The following LRRIQ1 variants were observed in gnomAD, a reference collection of about 807,000 sequenced individuals.
The protein encoded by LRRIQ1 is leucine-rich repeat- and IQ domain-containing protein 1.
In LRRIQ1, 210 loss-of-function variants were observed where a neutral mutation model predicts 211.9. The observed-to-expected ratio is 0.99, with a 90% confidence interval of 0.89 to 1.11. The LOEUF is 1.11. LRRIQ1 is among the 50% of genes most tolerant of loss of function. The probability of loss-of-function intolerance (pLI) is 0.00; values close to 1 mark genes in which losing one functional copy is unlikely to be tolerated. For missense variants in LRRIQ1, 2,136 were observed against 1,939.5 expected (o/e 1.10, Z -1.90); for synonymous variants, 699 against 650.1 (o/e 1.08, Z -1.14).
At chr12:85,071,747 G>A (rs1002159267) in intron 10 of LRRIQ1, among the ~76,000 whole-genome samples, 4 of 152,050 alleles carry the variant, frequency 2.6e-5, no homozygotes, top group African/African-American at 9.7e-5. Flanking sequence ...GCAAAGGGAT[G>A]TCTTACATGG....
intron 15 of LRRIQ1, among the ~76,000 whole-genome samples, chr12:85,111,298 T>G (rs1299479499): frequency 2.0e-5 from 3 of 152,128 alleles, no homozygotes; most frequent in Non-Finnish European, 2.9e-5. Context: ...CTTTCACAGG[T>G]GGCAGTCATC....
At chr12:85,253,590 A>G (rs183217512) in intron 1 of LRRIQ1, among the ~76,000 whole-genome samples, 1 of 152,190 alleles carries the variant, frequency 6.6e-6, no homozygotes, top group African/African-American at 2.4e-5. Context: ...GAAAATCATA[A>G]TAATGTGACA....
At chr12:85,174,470 C>T (rs1358834141) in intron 24 of LRRIQ1, among the ~76,000 whole-genome samples, 2 of 150,284 alleles carry the variant, frequency 1.3e-5, no homozygotes, top group African/African-American at 4.9e-5. Context: ...CCAAGGTGGG[C>T]AGATAGTTGA....
intron 24 of LRRIQ1, among the ~76,000 whole-genome samples, chr12:85,190,627 A>T (rs1892465267): frequency 6.6e-6 from 1 of 151,594 alleles, no homozygotes; most frequent in South Asian, 2.1e-4. Flanking sequence ...AGATATTCTG[A>T]TGGGCGTTTC....
intron 11 of LRRIQ1, among the ~76,000 whole-genome samples, chr12:85,077,893 T>C (rs1883836032): frequency 6.6e-6 from 1 of 151,686 alleles, no homozygotes; most frequent in Non-Finnish European, 1.5e-5. Context: ...GAGGCTGAGA[T>C]GGGAGAATCA....
intron 15 of LRRIQ1, among the ~76,000 whole-genome samples, chr12:85,117,433 A>G (rs375226807): frequency 2.6e-5 from 4 of 152,370 alleles, no homozygotes; most frequent in South Asian, 4.1e-4. Flanking sequence ...TCTGCTTCAT[A>G]TAACTCCAAA....
At chr12:85,195,530 C>G (rs1592952475) in intron 24 of LRRIQ1, among the ~76,000 whole-genome samples, 1 of 152,150 alleles carries the variant, frequency 6.6e-6, no homozygotes, top group Non-Finnish European at 1.5e-5. Context: ...ATACCCAAAT[C>G]AATTTAATGT....
At chr12:85,258,206 A>G (rs1896180275) in intron 1 of LRRIQ1, among the ~76,000 whole-genome samples, 1 of 151,832 alleles carries the variant, frequency 6.6e-6, no homozygotes, top group Admixed American at 6.6e-5. Context: ...GATTATTAAC[A>G]CCAGTAATAA....
intron 18 of LRRIQ1, among the ~76,000 whole-genome samples, chr12:85,133,668 G>A (rs1888928530): frequency 6.6e-6 from 1 of 152,104 alleles, no homozygotes; most frequent in East Asian, 1.9e-4. Flanking sequence ...TTTCAAGCCA[G>A]ACATGTTGGA....
chr12:85,217,640 A>ATATGTG (rs1326865864), intron 24 of LRRIQ1, among the ~76,000 whole-genome samples: 3 of 141,272 alleles, frequency 2.1e-5, no homozygotes, highest in African/African-American at 7.9e-5. Flanking sequence ...ATATATGTAT[A>ATATGTG]TATATGTGTA....
At chr12:85,237,340 C>T (rs1236610196) in intron 26 of LRRIQ1, among the ~76,000 whole-genome samples, 1 of 151,928 alleles carries the variant, frequency 6.6e-6, no homozygotes, top group Non-Finnish European at 1.5e-5. Context: ...GAAGGGAAGC[C>T]TAAAGAGAGC....
At chr12:85,160,296 C>A (rs193274437) in intron 23 of LRRIQ1, among the ~76,000 whole-genome samples, 1 of 152,098 alleles carries the variant, frequency 6.6e-6, no homozygotes, top group African/African-American at 2.4e-5. Context: ...AATGAAATAA[C>A]CTTTTCCTAC....
At chr12:85,257,159 T>G (rs1333242511) in intron 1 of LRRIQ1, among the ~76,000 whole-genome samples, 8 of 118,140 alleles carry the variant, frequency 6.8e-5, no homozygotes, top group Non-Finnish European at 1.2e-4. Context: ...TGATTATATA[T>G]AATTATATAA....
Position 85,259,563 on chromosome 12 carries a change from A to G in LRRIQ1, c.122-3352A>G, listed in dbSNP as rs370404028. Reference sequence around the variant, plus strand: ...TAAATGCAATGAGAGAATAAGCTATATAGATTACTGCTCAAATTGTTACTT... The same window carrying G: ...TAAATGCAATGAGAGAATAAGCTATGTAGATTACTGCTCAAATTGTTACTT... On this transcript the variant is annotated intron_variant, in intron 1 of 1. Transcript: ENST00000602731. 8.3e-4 allele frequency among the ~76,000 whole-genome samples: 127 copies of G among 152,256 alleles called. 4 individuals carry two copies. In the South Asian group the frequency reaches 0.026, roughly 31 times the overall value.
intron 24 of LRRIQ1, among the ~76,000 whole-genome samples, chr12:85,183,418 T>C (rs1318405022): frequency 6.6e-6 from 1 of 152,130 alleles, no homozygotes; most frequent in Non-Finnish European, 1.5e-5. Flanking sequence ...CAATAATGAT[T>C]GTGAACTCCA....
downstream of LRRIQ1, among the ~76,000 whole-genome samples, chr12:85,268,654 C>T (rs1013007741): frequency 1.3e-5 from 2 of 151,126 alleles, no homozygotes; most frequent in African/African-American, 4.9e-5. Context: ...AGATTATTAA[C>T]ATCTGTAACT....
At chr12:85,120,985 T>A (rs904438264) in intron 15 of LRRIQ1, among the ~76,000 whole-genome samples, 3 of 152,120 alleles carry the variant, frequency 2.0e-5, no homozygotes, top group Non-Finnish European at 4.4e-5. Flanking sequence ...TTTTTGTTTT[T>A]TGAGATGGAG....
chr12:85,067,327 A>G (rs1882544849), intron 10 of LRRIQ1, among the ~76,000 whole-genome samples: 1 of 151,878 alleles, frequency 6.6e-6, no homozygotes, highest in African/African-American at 2.4e-5. Context: ...TCTTTAGATA[A>G]AGTTGCTAAA....
chr12:85,044,724 G>GT lies in LRRIQ1; in HGVS notation c.253dup (p.Tyr85LeufsTer6), dbSNP rs1378813301. ...ACATTTTTTCTTTCTCTAGGCTGTAGTTATGGAGCAGTTTCTAATAATCAT... is the reference window on the plus strand; with the variant it reads ...ACATTTTTTCTTTCTCTAGGCTGTAGTTTATGGAGCAGTTTCTAATAATCAT... On this transcript the variant is annotated frameshift_variant, in exon 4 of 27. Coordinates refer to ENST00000393217, the MANE Select transcript of LRRIQ1 (RefSeq NM_001079910.2). LOFTEE classifies it high-confidence loss of function. The GT allele has an allele frequency of 6.5e-7, 1 of 1,535,362 alleles. No homozygotes were observed. Among genetic ancestry groups the GT allele is most frequent in the African/African-American group, 1.4e-5 (1 of 73,498 alleles).
Sources: allele counts gnomAD v4.1 joint callset (sites outside exome capture counted in the v4.1 genomes callset), GRCh38; gene constraint gnomAD v4.1.1; transcripts MANE v1.5; gene names NCBI Gene and HGNC (gene_info 2026-07-23, HGNC 2026-07-21).